The following GOLM2 variants were observed in gnomAD, a reference collection of about 807,000 sequenced individuals.
GOLM2 encodes golgi membrane protein 2.
GOLM2 carries 26 observed loss-of-function variants against 55.9 expected under a neutral mutation model. The ratio of observed to expected loss-of-function variants is 0.47; its 90% CI spans 0.34 to 0.65. GOLM2 has a LOEUF of 0.65. Among genes scored for constraint, GOLM2 ranks in the 30% least tolerant of loss-of-function variants. The probability of loss-of-function intolerance (pLI) is 0.01; values close to 1 mark genes in which losing one functional copy is unlikely to be tolerated. For synonymous variants in GOLM2, 165 were observed against 194.6 expected (o/e 0.85, Z 1.27); for missense variants, 486 against 531.8 (o/e 0.91, Z 0.85).
intron 1 of GOLM2, among the ~76,000 whole-genome samples, chr15:44,314,584 A>G (rs985567789): frequency 4.6e-5 from 7 of 152,038 alleles, no homozygotes; most frequent in Non-Finnish European, 1.0e-4. Flanking sequence ...AATGTAACTG[A>G]TAACTGGATA....
At position 44,310,502 on chromosome 15, in the gene GOLM2, C is replaced by CCACACACACACA. The variant is rs34821071; in HGVS notation, c.328-12450_328-12439dup. On this transcript the variant is annotated intron_variant, in intron 1 of 9. Transcript: ENST00000299957. ...TATATATATATATACACACACACACCCACACACACACACACACACACACAT... is the reference window on the plus strand; with the variant it reads ...TATATATATATATACACACACACACCCACACACACACACACACACACACACACACACACACAT... Among the ~76,000 whole-genome samples the CCACACACACACA allele has an allele frequency of 7.9e-4, 99 of 124,694 alleles. 1 individual carries two copies. Among genetic ancestry groups the CCACACACACACA allele is most frequent in the African/African-American group, 2.8e-3 (94 of 33,556 alleles). The allele number at this position is 124,694 out of a possible 152,430, so 81.8% of individuals were successfully genotyped here.
chr15:44,401,701 C>G (rs537115534), intron 8 of GOLM2, among the ~76,000 whole-genome samples: 1 of 152,104 alleles, frequency 6.6e-6, no homozygotes, highest in East Asian at 1.9e-4. Flanking sequence ...AACTTAATGT[C>G]TAAATATAGT....
chr15:44,369,490 A>G (rs1436806405), intron 6 of GOLM2, among the ~76,000 whole-genome samples: 3 of 151,864 alleles, frequency 2.0e-5, no homozygotes. Flanking sequence ...TAGGACAATA[A>G]CTTGGTCTGT....
intron 4 of GOLM2, 142 bp downstream of exon 4, chr15:44,332,220 T>C (rs2079027086): frequency 7.3e-6 from 4 of 544,870 alleles, no homozygotes; most frequent in Non-Finnish European, 1.3e-5. Flanking sequence ...TTACAATGGC[T>C]TTATTTCTGA....
At chr15:44,388,273 CA>C (rs35283840) in intron 8 of GOLM2, among the ~76,000 whole-genome samples, 2,211 of 68,588 alleles carry the variant, frequency 0.032, 38 homozygotes, top group Non-Finnish European at 0.041. Context: ...GACCCTGTCT[CA>C]AAAAAAAAAA....
At chr15:44,320,648 C>T (rs965325557) in intron 1 of GOLM2, among the ~76,000 whole-genome samples, 2 of 151,972 alleles carry the variant, frequency 1.3e-5, no homozygotes, top group Admixed American at 6.6e-5. Flanking sequence ...ACCCAGGACT[C>T]GGGGGGGTGA....
chr15:44,351,682 CT>C (rs781579037), intron 6 of GOLM2, among the ~76,000 whole-genome samples: 11 of 150,956 alleles, frequency 7.3e-5, no homozygotes, highest in Non-Finnish European at 1.2e-4. Flanking sequence ...TTGGAAAAAC[CT>C]AAAGACTCCA....
At chr15:44,407,749 G>A (rs976922657) in intron 9 of GOLM2, among the ~76,000 whole-genome samples, 4 of 150,240 alleles carry the variant, frequency 2.7e-5, no homozygotes, top group African/African-American at 9.8e-5. Context: ...GCACCCAGGC[G>A]ATAGAGCTTT....
intron 1 of GOLM2, among the ~76,000 whole-genome samples, chr15:44,290,055 T>C (rs975837891): frequency 2.6e-5 from 4 of 152,250 alleles, no homozygotes; most frequent in African/African-American, 9.6e-5. Flanking sequence ...GAATGTCATG[T>C]CAGTGTCTTC....
chr15:44,372,490 C>T (rs2079335159), intron 6 of GOLM2, among the ~76,000 whole-genome samples: 1 of 152,162 alleles, frequency 6.6e-6, no homozygotes, highest in Non-Finnish European at 1.5e-5. Context: ...AAGTAGAGGA[C>T]GATTAATCCT....
At chr15:44,353,402 A>G (rs1176472645) in intron 6 of GOLM2, among the ~76,000 whole-genome samples, 2 of 152,216 alleles carry the variant, frequency 1.3e-5, no homozygotes, top group Non-Finnish European at 2.9e-5. Flanking sequence ...CTTAAGAGAA[A>G]GGATATGACC....
In GOLM2 at chr15:44,413,474, G is replaced by A. The variant is rs553494680; in HGVS notation, c.*68G>A. On this transcript the variant is annotated 3_prime_UTR_variant, in exon 10 of 10. Coordinates refer to ENST00000299957, the MANE Select transcript of GOLM2 (RefSeq NM_138423.4). ...GAAATCATTCTACTTTGTCCTTTCT[G>A]ACTTTTGTTGTAAAGACGAATTGTA... The A allele has an allele frequency of 8.4e-7, 1 of 1,186,878 alleles. No homozygotes were observed. The highest frequency in any genetic ancestry group is 1.5e-5 in the African/African-American group (1 of 65,302). The allele number at this position is 1,186,878 out of a possible 1,614,324, so 73.5% of individuals were successfully genotyped here.
intron 1 of GOLM2, among the ~76,000 whole-genome samples, chr15:44,293,249 A>T (rs1311033033): frequency 6.6e-6 from 1 of 152,226 alleles, no homozygotes; most frequent in Non-Finnish European, 1.5e-5. Flanking sequence ...CTGGAAAATT[A>T]TTGCAAAGAT....
At chr15:44,397,478 C>CAAAAAAAAAAA (rs1007948393) in intron 8 of GOLM2, among the ~76,000 whole-genome samples, 2 of 32,560 alleles carry the variant, frequency 6.1e-5, no homozygotes, top group African/African-American at 1.2e-4. Context: ...GACTCCGTCT[C>CAAAAAAAAAAA]AAAAAAAAAA....
chr15:44,302,963 C>T lies in GOLM2; in HGVS notation c.327+13607C>T, dbSNP rs566346320. ...ACTAAAAATACAAAAATTAGCCGGG[C>T]GTAGTGGCGGACGCCTGTAGTCCCA... On this transcript the variant is annotated intron_variant, in intron 1 of 9. Transcript: ENST00000299957. Among the ~76,000 whole-genome samples, 8 of 152,114 alleles carry T rather than the reference C, an allele frequency of 5.3e-5. No individual in the cohort carries two copies. In the East Asian group the frequency reaches 5.8e-4, roughly 11 times the overall value.
At position 44,300,689 on chromosome 15, in the gene GOLM2, G is replaced by A. The variant is rs550006423; in HGVS notation, c.327+11333G>A. The stretch of plus-strand genomic sequence containing the variant: ...GACTTATGACCTCATTAAACAGGAG[G>A]AACTAGTCCTTACAATTTTTGGTTG... On this transcript the variant is annotated intron_variant, in intron 1 of 9. Coordinates refer to ENST00000299957, the MANE Select transcript of GOLM2 (RefSeq NM_138423.4). Among the ~76,000 whole-genome samples, 5 of 152,294 alleles carry A rather than the reference G, an allele frequency of 3.3e-5. No individual in the cohort carries two copies. In the South Asian group the frequency reaches 8.3e-4, roughly 25 times the overall value.
chr15:44,300,234 G>A (rs558284792), intron 1 of GOLM2, among the ~76,000 whole-genome samples: 8 of 149,930 alleles, frequency 5.3e-5, no homozygotes, highest in Middle Eastern at 3.4e-3. Flanking sequence ...GAGGGAGAGG[G>A]AAGAAAGAAA....
At chr15:44,395,793 T>C (rs2079522294) in intron 8 of GOLM2, among the ~76,000 whole-genome samples, 1 of 151,970 alleles carries the variant, frequency 6.6e-6, no homozygotes, top group Admixed American at 6.6e-5. Flanking sequence ...TGAGCTGAGA[T>C]CACGCTACTG....
intron 8 of GOLM2, among the ~76,000 whole-genome samples, chr15:44,382,682 C>T (rs927206364): frequency 6.6e-6 from 1 of 151,728 alleles, no homozygotes; most frequent in African/African-American, 2.4e-5. Context: ...TGTTGCCTTA[C>T]CTGTATATAT....
Sources: allele counts gnomAD v4.1 joint callset (sites outside exome capture counted in the v4.1 genomes callset), GRCh38; gene constraint gnomAD v4.1.1; transcripts MANE v1.5; gene names NCBI Gene and HGNC (gene_info 2026-07-23, HGNC 2026-07-21).